The following PROK2 variants were observed in gnomAD, a reference collection of about 807,000 sequenced individuals.
The protein encoded by PROK2 is prokineticin 2, also known as prokineticin-2.
Under a neutral mutation model 14.2 loss-of-function variants are expected in PROK2, and 8 were observed. The observed-to-expected ratio is 0.56, with a 90% CI of 0.33 to 1.02. The LOEUF (loss-of-function observed/expected upper bound fraction) is 1.02, where lower values mean the gene tolerates loss of function less well. Among genes scored for constraint, PROK2 ranks in the 50% least tolerant of loss-of-function variants. The pLI is 0.03. For missense variants in PROK2, 154 were observed against 160.4 expected (o/e 0.96, Z 0.22); for synonymous variants, 59 against 60.7 (o/e 0.97, Z 0.13).
At chr3:71,782,056 A>G (rs994953248) in intron 1 of PROK2, among the ~76,000 whole-genome samples, 3 of 152,236 alleles carry the variant, frequency 2.0e-5, no homozygotes, top group Non-Finnish European at 2.9e-5. Context: ...TAAATCTGGC[A>G]TGAAACACTC....
At chr3:71,774,675 G>C (rs1168397016) in intron 2 of PROK2, among the ~76,000 whole-genome samples, 168 bp from the exon 3 acceptor site, 1 of 152,156 alleles carries the variant, frequency 6.6e-6, no homozygotes, top group African/African-American at 2.4e-5. Context: ...TCTAATGACA[G>C]CATCTACATG....
chr3:71,779,768 A>G lies in PROK2; in HGVS notation c.222+1699T>C, dbSNP rs114634551. Among the ~76,000 whole-genome samples, 739 of 151,846 alleles carry G rather than the reference A, an allele frequency of 4.9e-3. 8 individuals are homozygous for G. Among genetic ancestry groups the G allele is most frequent in the African/African-American group, 0.012 (511 of 41,410 alleles). On this transcript the variant is annotated intron_variant, in intron 2 of 3. Transcript: ENST00000295619. ...ACTACAGGTGTGTGCCACCATGCCC[A>G]GCTAATTTTTAAAAATTTTTCTATA...
At chr3:71,778,128 C>T (rs1246941938) in intron 2 of PROK2, among the ~76,000 whole-genome samples, 7 of 149,534 alleles carry the variant, frequency 4.7e-5, no homozygotes, top group Admixed American at 6.6e-5. Flanking sequence ...ACCCGGGAGG[C>T]GGAGCTTGCA....
chr3:71,778,179 A>C (rs1330794977), intron 2 of PROK2, among the ~76,000 whole-genome samples: 1 of 152,088 alleles, frequency 6.6e-6, no homozygotes, highest in Non-Finnish European at 1.5e-5. Flanking sequence ...CCTGGGTGAC[A>C]AAGCGAGACT....
chr3:71,783,611 G>C (rs1239277597), intron 1 of PROK2, among the ~76,000 whole-genome samples: 2 of 152,256 alleles, frequency 1.3e-5, no homozygotes, highest in African/African-American at 4.8e-5. Flanking sequence ...GTGTTGTCCT[G>C]TGAATGGAAC....
At position 71,772,823 on chromosome 3, in the gene PROK2, T is replaced by C. The variant is rs2050091142; in HGVS notation, c.291A>G (p.Pro97=). ...TGTGATGCATCCTCCGCCCAAAAAATGGAACCTAAATAAAAAAGAAAACGG... is the reference window on the plus strand; with the variant it reads ...TGTGATGCATCCTCCGCCCAAAAAACGGAACCTAAATAAAAAAGAAAACGG... ...RKRSKRKKEV[P]FFGRRMHHTC... The change falls in exon 4 of 4, where the codon CCA becomes CCG. Residue 97 remains proline (P), a synonymous_variant. Transcript: ENST00000295619. The C allele has an allele frequency of 1.9e-6, 3 of 1,613,828 alleles. No individual in the cohort carries two copies. The highest frequency in any genetic ancestry group is 2.7e-5 in the African/African-American group (2 of 75,020).
chr3:71,778,255 A>G (rs2050134918), intron 2 of PROK2, among the ~76,000 whole-genome samples: 1 of 152,024 alleles, frequency 6.6e-6, no homozygotes, highest in Non-Finnish European at 1.5e-5. Context: ...AAAAATGAAT[A>G]CCTGTTAAAA....
In PROK2 at chr3:71,785,054, G is replaced by T. The variant is rs2108200396; in HGVS notation, c.-2C>A. ...TGGGGCGCAGCACAGGCTCCTCATG[G>T]CGCCCTCGGGACTGGGCGGCCGCCG... On this transcript the variant is annotated 5_prime_UTR_variant, in exon 1 of 4. Transcript: ENST00000295619. The T allele has an allele frequency of 8.1e-6, 10 of 1,237,772 alleles. No homozygotes were observed. Among genetic ancestry groups the T allele is most frequent in the Non-Finnish European group, 1.0e-5 (10 of 987,064 alleles). 76.7% of individuals were successfully genotyped at this position (1,237,772 alleles called of 1,614,324 possible). A position where few individuals can be genotyped will look rare whatever the true frequency, so the allele number is the denominator to read the frequency against.
intron 2 of PROK2, among the ~76,000 whole-genome samples, chr3:71,779,383 T>C (rs2050144594): frequency 6.6e-6 from 1 of 152,268 alleles, no homozygotes; most frequent in African/African-American, 2.4e-5. Context: ...CTCTGGGGCT[T>C]AATGTTGTAT....
chr3:71,775,217 A>G (rs551436707), intron 2 of PROK2, among the ~76,000 whole-genome samples: 34 of 152,338 alleles, frequency 2.2e-4, no homozygotes, highest in Non-Finnish European at 4.4e-4. Context: ...AAATACACCT[A>G]TAATGAGCAT....
At position 71,776,363 on chromosome 3, in the gene PROK2, C is replaced by CTT. The variant is rs2050118816; in HGVS notation, c.223-1857_223-1856insAA. ...CTTTTCTTTTTTTCTTTTCGCTTTT[C>CTT]ATTTTTTTTTTTTTTTTTTTTTTTT... On this transcript the variant is annotated intron_variant, in intron 2 of 3. Transcript: ENST00000295619. 3.0e-4 allele frequency among the ~76,000 whole-genome samples: 28 copies of CTT among 92,066 alleles called. 2 individuals are homozygous for CTT. Among genetic ancestry groups the CTT allele is most frequent in the Middle Eastern group, 5.6e-3 (1 of 180 alleles). 60.4% of individuals were successfully genotyped at this position (92,066 alleles called of 152,430 possible). A position where few individuals can be genotyped will look rare whatever the true frequency, so the allele number is the denominator to read the frequency against.
In PROK2 at chr3:71,785,072, G is replaced by A. The variant is rs1200681720; in HGVS notation, c.-20C>T. ...CCTCATGGCGCCCTCGGGACTGGGC[G>A]GCCGCCGGAGGCAGTTGGGGGCGCG... On this transcript the variant is annotated 5_prime_UTR_variant, in exon 1 of 4. Coordinates refer to ENST00000295619, the MANE Select transcript of PROK2 (RefSeq NM_001126128.2). The A allele has an allele frequency of 4.1e-6, 5 of 1,228,344 alleles. No individual in the cohort carries two copies. Among genetic ancestry groups the A allele is most frequent in the Admixed American group, 8.5e-5 (2 of 23,498 alleles). The allele number at this position is 1,228,344 out of a possible 1,614,324, so 76.1% of individuals were successfully genotyped here.
At chr3:71,777,732 T>G (rs1327516200) in intron 2 of PROK2, among the ~76,000 whole-genome samples, 1 of 152,096 alleles carries the variant, frequency 6.6e-6, no homozygotes, top group Non-Finnish European at 1.5e-5. Context: ...TATTGAATAC[T>G]AAAAAGTGTT....
chr3:71,776,997 A>G (rs1268449928), intron 2 of PROK2, among the ~76,000 whole-genome samples: 1 of 152,206 alleles, frequency 6.6e-6, no homozygotes, highest in African/African-American at 2.4e-5. Context: ...AGCACTTTTA[A>G]AGAGAAATTA....
rs1044693890 is a variant in PROK2 at position 71,772,789 on chromosome 3, A to G, written c.325T>C (p.Cys109Arg). ...FGRRMHHTCP[C>R]LPGLACLRTS... ...CGTAAACAGGCCAAGCCTGGCAGAC[A>G]TGGGCAAGTGTGATGCATCCTCCGC... Residue 109 changes from cysteine (C) to arginine (R), a missense_variant, in exon 4 of 4, where the codon TGT (cysteine) becomes CGT (arginine). Physicochemically the swap from Cys to Arg is radical, Grantham distance 180 (BLOSUM62 -3). Coordinates refer to ENST00000295619, the MANE Select transcript of PROK2 (RefSeq NM_001126128.2). The G allele has an allele frequency of 6.2e-7, 1 of 1,614,256 alleles. No individual in the cohort carries two copies.
intron 2 of PROK2, among the ~76,000 whole-genome samples, chr3:71,780,340 A>G (rs1353566495): frequency 6.6e-6 from 1 of 152,254 alleles, no homozygotes; most frequent in East Asian, 1.9e-4. Flanking sequence ...GTTCACTCCG[A>G]GGAGGTGAAA....
In PROK2 at chr3:71,784,320, TG is replaced by T. The variant is rs552151828; in HGVS notation, c.96+636del. ...CATCATTATGCTGGAGCACTGGAGGTGCTTTGCCAGGAATTAGAAATTTAAA... is the reference window on the plus strand; with the variant it reads ...CATCATTATGCTGGAGCACTGGAGGTCTTTGCCAGGAATTAGAAATTTAAA... On this transcript the variant is annotated intron_variant, in intron 1 of 3. Transcript: ENST00000295619. Among the ~76,000 whole-genome samples the T allele has an allele frequency of 1.2e-4, 19 of 152,292 alleles. No individual in the cohort carries two copies. The South Asian group carries it at 3.7e-3, about 30-fold the overall frequency.
chr3:71,782,374 A>G (rs886542622), intron 1 of PROK2, among the ~76,000 whole-genome samples: 1 of 152,216 alleles, frequency 6.6e-6, no homozygotes, highest in Non-Finnish European at 1.5e-5. Flanking sequence ...AACAGGTGCA[A>G]TTGTCAATAG....
At chr3:71,784,442 C>T (rs1578414601) in intron 1 of PROK2, among the ~76,000 whole-genome samples, 1 of 152,262 alleles carries the variant, frequency 6.6e-6, no homozygotes, top group East Asian at 1.9e-4. Flanking sequence ...GCTCACATGG[C>T]CCTGGACCAA....
Sources: allele counts gnomAD v4.1 joint callset (sites outside exome capture counted in the v4.1 genomes callset), GRCh38; gene constraint gnomAD v4.1.1; transcripts MANE v1.5; gene names NCBI Gene and HGNC (gene_info 2026-07-23, HGNC 2026-07-21).